Variants in TMEM272 observed in about 807,000 individuals in gnomAD.
TMEM272 encodes long intergenic non-protein coding RNA 282.
A neutral mutation model predicts 3.7 loss-of-function variants in TMEM272; 8 were observed. That is an observed-to-expected ratio of 2.17 (90% CI 1.27 to 3.91). TMEM272 has a LOEUF of 3.91. Among genes scored for constraint, TMEM272 ranks in the 30% most tolerant of loss-of-function variants. The pLI is 0.00. For missense variants in TMEM272, 166 were observed against 91.5 expected (o/e 1.81, Z -3.32); for synonymous variants, 63 against 39.8 (o/e 1.58, Z -2.20).
the TMEM272 span, among the ~76,000 whole-genome samples, chr13:51,896,160 G>A: frequency 6.6e-6 from 1 of 152,308 alleles, no homozygotes; most frequent in East Asian, 1.9e-4. Flanking sequence ...CCCCTTCCTG[G>A]AGAAGCCAAT....
At chr13:51,860,816 G>T in the TMEM272 span, among the ~76,000 whole-genome samples, 5 of 94,688 alleles carry the variant, frequency 5.3e-5, no homozygotes, top group Non-Finnish European at 1.1e-4. Flanking sequence ...TATATATATA[G>T]AAGTGTGTGT....
At chr13:51,930,194 T>C in the TMEM272 span, among the ~76,000 whole-genome samples, 1 of 152,152 alleles carries the variant, frequency 6.6e-6, no homozygotes, top group African/African-American at 2.4e-5. Flanking sequence ...TATGTTTAAA[T>C]TGAGAACAGT....
intron 1 of TMEM272, among the ~76,000 whole-genome samples, chr13:51,842,445 A>G (rs1297243066): frequency 1.3e-5 from 2 of 152,254 alleles, no homozygotes; most frequent in Admixed American, 6.5e-5. Flanking sequence ...TAAGTCCACC[A>G]GGGAGCAGAC....
chr13:51,825,117 T>C (rs1191988311), intron 3 of TMEM272, among the ~76,000 whole-genome samples: 1 of 152,212 alleles, frequency 6.6e-6, no homozygotes, highest in Non-Finnish European at 1.5e-5. Context: ...AGCCATATAA[T>C]AAGTGTTAAT....
the TMEM272 span, chr13:51,865,865 CTG>C: frequency 6.2e-7 from 1 of 1,613,680 alleles, no homozygotes; most frequent in Non-Finnish European, 8.5e-7. Flanking sequence ...AGAAAAGGCC[CTG>C]TGGGTAGAGG....
At chr13:51,865,567 G>A in the TMEM272 span, 6 of 1,614,090 alleles carry the variant, frequency 3.7e-6, no homozygotes, top group Non-Finnish European at 5.1e-6. Context: ...AAAAAATAGA[G>A]GACTTCAGGG....
At chr13:51,933,714 C>G in the TMEM272 span, 2 of 152,250 alleles carry the variant, frequency 1.3e-5, no homozygotes, top group Admixed American at 1.3e-4. Context: ...CCACACAAGG[C>G]CAGGCGCTAG....
the TMEM272 span, among the ~76,000 whole-genome samples, chr13:51,864,291 A>G: frequency 6.6e-6 from 1 of 152,162 alleles, no homozygotes; most frequent in African/African-American, 2.4e-5. Flanking sequence ...AGCACTGCAG[A>G]AGCCTCTCTC....
At chr13:51,857,963 C>T in the TMEM272 span, among the ~76,000 whole-genome samples, 1 of 152,036 alleles carries the variant, frequency 6.6e-6, no homozygotes, top group African/African-American at 2.4e-5. Context: ...CGTGCCTATA[C>T]TAAGATCAAA....
intron 2 of TMEM272, among the ~76,000 whole-genome samples, chr13:51,832,720 A>G (rs1956183435): frequency 1.3e-5 from 2 of 152,196 alleles, no homozygotes; most frequent in South Asian, 4.2e-4. Context: ...GCCACCCACT[A>G]ATCCCCAGAG....
the TMEM272 span, among the ~76,000 whole-genome samples, chr13:51,901,847 C>T: frequency 6.6e-6 from 1 of 152,222 alleles, no homozygotes; most frequent in Non-Finnish European, 1.5e-5. Flanking sequence ...GCAGAAGCCC[C>T]ATTGGGTGTG....
chr13:51,922,799 T>TG, the TMEM272 span, among the ~76,000 whole-genome samples: 675 of 152,318 alleles, frequency 4.4e-3, 2 homozygotes, highest in African/African-American at 0.016. Context: ...CCACAGTCCT[T>TG]GGCTTGTGGC....
chr13:51,872,508 C>T, the TMEM272 span, among the ~76,000 whole-genome samples: 2 of 152,026 alleles, frequency 1.3e-5, no homozygotes, highest in Non-Finnish European at 2.9e-5. Flanking sequence ...AAAAAATCAT[C>T]CAAGACTATG....
the TMEM272 span, among the ~76,000 whole-genome samples, chr13:51,870,350 G>C: frequency 6.6e-6 from 1 of 152,046 alleles, no homozygotes; most frequent in Non-Finnish European, 1.5e-5. Context: ...TCAGTTTTTG[G>C]CTTTTAAAAT....
At chr13:51,895,020 G>A in the TMEM272 span, among the ~76,000 whole-genome samples, 1 of 152,118 alleles carries the variant, frequency 6.6e-6, no homozygotes, top group East Asian at 1.9e-4. Context: ...ATGCTCCTAT[G>A]AGAATCTAAT....
At chr13:51,873,440 T>C in the TMEM272 span, among the ~76,000 whole-genome samples, 7 of 152,220 alleles carry the variant, frequency 4.6e-5, no homozygotes, top group East Asian at 1.9e-4. Flanking sequence ...GAAGTCAGTA[T>C]ATAATGCCTA....
the TMEM272 span, chr13:51,866,003 G>A: frequency 6.8e-6 from 11 of 1,612,814 alleles, no homozygotes; most frequent in African/African-American, 5.3e-5. Flanking sequence ...CATTGCCGGA[G>A]AGCAGATGCT....
the TMEM272 span, among the ~76,000 whole-genome samples, chr13:51,918,838 G>T: frequency 7.9e-6 from 1 of 126,944 alleles, no homozygotes; most frequent in Non-Finnish European, 1.6e-5. Flanking sequence ...TGTAGAGACA[G>T]GGTTTTGCCA....
the TMEM272 span, among the ~76,000 whole-genome samples, chr13:51,928,822 G>C: frequency 1.3e-5 from 2 of 152,162 alleles, no homozygotes; most frequent in African/African-American, 4.8e-5. Context: ...AACACAGGTG[G>C]TAGAACATGG....
Sources: gnomAD v4.1 joint callset for allele counts (sites outside exome capture counted in the v4.1 genomes callset) on GRCh38, gnomAD v4.1.1 for gene constraint, MANE v1.5 for transcripts, NCBI Gene and HGNC (gene_info 2026-07-23, HGNC 2026-07-21) for gene names.